MACROD2: variants seen among roughly 807,000 people sequenced by gnomAD.
MACROD2 encodes the protein ADP-ribose glycohydrolase MACROD2.
A neutral mutation model predicts 70.4 loss-of-function variants in MACROD2; 36 were observed. The ratio of observed to expected loss-of-function variants is 0.51; its 90% confidence interval spans 0.39 to 0.68. The LOEUF (loss-of-function observed/expected upper bound fraction) is 0.68, where lower values mean the gene tolerates loss of function less well. Ranked by LOEUF, MACROD2 falls within the 30% of genes least tolerant of loss-of-function variation. The probability of loss-of-function intolerance (pLI) is 0.00; values close to 1 mark genes in which losing one functional copy is unlikely to be tolerated. For missense variants in MACROD2, 496 were observed against 538.4 expected (o/e 0.92, Z 0.78); for synonymous variants, 172 against 178.8 (o/e 0.96, Z 0.30).
At chr20:15,641,209 C>T (rs149606929) in intron 8 of MACROD2, among the ~76,000 whole-genome samples, 9 of 152,324 alleles carry the variant, frequency 5.9e-5, no homozygotes, top group African/African-American at 1.9e-4. Context: ...CCTCTTGCCT[C>T]ATGCTCAGTT....
intron 3 of MACROD2, among the ~76,000 whole-genome samples, chr20:14,122,463 T>C (rs1439596564): frequency 6.6e-6 from 1 of 152,198 alleles, no homozygotes; most frequent in Non-Finnish European, 1.5e-5. Context: ...TATTATTTAA[T>C]TCACCCAGCT....
At chr20:15,974,473 C>A (rs537800042) in intron 13 of MACROD2, among the ~76,000 whole-genome samples, 210 of 152,110 alleles carry the variant, frequency 1.4e-3, no homozygotes, top group African/African-American at 4.7e-3. Flanking sequence ...AAAGGCAAAA[C>A]CATGGACACA....
At chr20:15,154,579 C>T (rs145438928) in intron 5 of MACROD2, among the ~76,000 whole-genome samples, 1 of 152,208 alleles carries the variant, frequency 6.6e-6, no homozygotes, top group Non-Finnish European at 1.5e-5. Flanking sequence ...AGTTTGAGAT[C>T]AAGGTGCCAG....
chr20:14,142,589 T>G (rs1455561956), intron 3 of MACROD2, among the ~76,000 whole-genome samples: 1 of 152,156 alleles, frequency 6.6e-6, no homozygotes, highest in Non-Finnish European at 1.5e-5. Context: ...CTTATTATTT[T>G]GCTACATAAG....
At chr20:15,583,898 C>T (rs142067106) in intron 8 of MACROD2, among the ~76,000 whole-genome samples, 2,871 of 152,290 alleles carry the variant, frequency 0.019, 86 homozygotes, top group African/African-American at 0.062. Flanking sequence ...TTTGGCCTCC[C>T]AAAGTGCCGG....
chr20:15,023,856 T>C (rs1020973014), intron 5 of MACROD2, among the ~76,000 whole-genome samples: 1 of 152,134 alleles, frequency 6.6e-6, no homozygotes, highest in Admixed American at 6.5e-5. Flanking sequence ...ACATCAGTGA[T>C]CACTTCTCAC....
intron 4 of MACROD2, among the ~76,000 whole-genome samples, chr20:14,548,705 G>A (rs1600372386): frequency 8.6e-5 from 1 of 11,610 alleles, no homozygotes; most frequent in African/African-American, 1.8e-4. Context: ...GCGACAGAGT[G>A]AGACTCCGTC....
chr20:14,818,060 A>G lies in MACROD2; in HGVS notation c.418+133101A>G, dbSNP rs145737841. ...CCACCCAAAGTGTTATTTTTATTCT[A>G]TCCTGATCTATGGAAGATGGAAGGA... On this transcript the variant is annotated intron_variant, in intron 5 of 17. Coordinates refer to ENST00000684519, the MANE Select transcript of MACROD2 (RefSeq NM_001351661.2). 1.1e-4 allele frequency among the ~76,000 whole-genome samples: 17 copies of G among 152,208 alleles called. No homozygotes were observed. In the East Asian group the frequency reaches 3.3e-3, roughly 29 times the overall value.
chr20:15,386,135 C>A (rs181966205), intron 6 of MACROD2, among the ~76,000 whole-genome samples: 1 of 152,148 alleles, frequency 6.6e-6, no homozygotes, highest in African/African-American at 2.4e-5. Flanking sequence ...GTGATAATTC[C>A]TCTGTTTTTC....
At chr20:15,019,758 A>T (rs2075150051) in intron 5 of MACROD2, among the ~76,000 whole-genome samples, 1 of 152,188 alleles carries the variant, frequency 6.6e-6, no homozygotes, top group Non-Finnish European at 1.5e-5. Flanking sequence ...CTTGAATAGG[A>T]TTGACAAACA....
chr20:15,011,897 C>T (rs2075085357), intron 5 of MACROD2, among the ~76,000 whole-genome samples: 1 of 152,096 alleles, frequency 6.6e-6, no homozygotes, highest in African/African-American at 2.4e-5. Flanking sequence ...GCATTGAGCG[C>T]CGTGTGCTCT....
chr20:16,033,138 A>G (rs1404164127), intron 15 of MACROD2, among the ~76,000 whole-genome samples: 1 of 152,136 alleles, frequency 6.6e-6, no homozygotes, highest in African/African-American at 2.4e-5. Flanking sequence ...TCTGACTTTT[A>G]AATAAAGACT....
intron 5 of MACROD2, among the ~76,000 whole-genome samples, chr20:14,857,437 A>G (rs1194492906): frequency 1.3e-5 from 2 of 152,156 alleles, no homozygotes; most frequent in African/African-American, 2.4e-5. Flanking sequence ...TATGTGCTGC[A>G]TTTTAAAACA....
intron 5 of MACROD2, among the ~76,000 whole-genome samples, chr20:14,800,594 C>A (rs2122137947): frequency 6.6e-6 from 1 of 152,140 alleles, no homozygotes; most frequent in Admixed American, 6.5e-5. Flanking sequence ...TGTAAGCGTT[C>A]CACTGGGAAA....
chr20:15,642,853 C>T (rs2049483688), intron 8 of MACROD2, among the ~76,000 whole-genome samples: 1 of 152,080 alleles, frequency 6.6e-6, no homozygotes, highest in African/African-American at 2.4e-5. Flanking sequence ...CTGCCACATG[C>T]ATACACACGG....
chr20:15,135,406 C>A (rs1601120995), intron 5 of MACROD2, among the ~76,000 whole-genome samples: 2 of 150,884 alleles, frequency 1.3e-5, no homozygotes, highest in East Asian at 3.9e-4. Context: ...AAGGCTGGTT[C>A]AATATACGCA....
rs1489277623 is a variant in MACROD2, at chr20:15,308,729, G to A, written c.540+78668G>A. Among the ~76,000 whole-genome samples, 4 of 152,098 alleles carry A rather than the reference G, an allele frequency of 2.6e-5. No homozygotes were observed. The East Asian group carries it at 7.7e-4, about 29-fold the overall frequency. ...CAAATAAAAGAAATATAGACATTCA[G>A]CACTTCTTGGCTACAAAGTTAACCC... On this transcript the variant is annotated intron_variant, in intron 6 of 17. Transcript: ENST00000684519.
chr20:15,992,704 T>G (rs1321564445), intron 15 of MACROD2, among the ~76,000 whole-genome samples: 2 of 152,216 alleles, frequency 1.3e-5, no homozygotes, highest in Non-Finnish European at 2.9e-5. Flanking sequence ...CATTTACAGT[T>G]TAACTTTGTA....
At chr20:14,620,898 T>C (rs1983790315) in intron 4 of MACROD2, among the ~76,000 whole-genome samples, 1 of 152,116 alleles carries the variant, frequency 6.6e-6, no homozygotes, top group Non-Finnish European at 1.5e-5. Flanking sequence ...CTTTGTTTTA[T>C]AGAAATCAAT....
Sources: allele counts gnomAD v4.1 joint callset (sites outside exome capture counted in the v4.1 genomes callset), GRCh38; gene constraint gnomAD v4.1.1; transcripts MANE v1.5; gene names NCBI Gene and HGNC (gene_info 2026-07-23, HGNC 2026-07-21).